NEK4: variants seen among roughly 807,000 people sequenced by gnomAD.
The protein encoded by NEK4 is NIMA related kinase 4.
A neutral mutation model predicts 98.4 loss-of-function variants in NEK4; 86 were observed. The ratio of observed to expected loss-of-function variants is 0.87; its 90% CI spans 0.73 to 1.05. The LOEUF is 1.05. Among genes scored for constraint, NEK4 ranks in the 50% least tolerant of loss-of-function variants. NEK4 has a pLI of 0.00. For missense variants in NEK4, 898 were observed against 950.3 expected (o/e 0.94, Z 0.72); for synonymous variants, 328 against 342.2 (o/e 0.96, Z 0.46).
chr3:52,765,596 A>G (rs1367489811), intron 4 of NEK4, among the ~76,000 whole-genome samples: 1 of 152,238 alleles, frequency 6.6e-6, no homozygotes, highest in Non-Finnish European at 1.5e-5. Flanking sequence ...AAGAAGAGAC[A>G]AATAGCCTCT....
intron 15 of NEK4, chr3:52,732,741 T>C: frequency 3.6e-6 from 1 of 279,440 alleles, no homozygotes; most frequent in South Asian, 5.3e-5. Context: ...ACCTGAGCAT[T>C]ATCTCCATGT....
rs199730489 is a variant in NEK4 at position 52,768,565 on chromosome 3, G to A, written c.133C>T (p.Arg45Ter). The change falls in exon 2 of 16, where the codon CGA becomes TGA. Residue 45 changes from arginine to a stop codon, truncating the protein, a stop_gained. Coordinates refer to ENST00000233027, the MANE Select transcript of NEK4 (RefSeq NM_003157.6). LOFTEE classifies it high-confidence loss of function. The part of the protein sequence containing the change: ...KKLNLRNASS[R>*]ERRAAEQEAQ... ...TCCTGTTCAGCAGCTCGCCGCTCTC[G>A]GCTAGAGGCATTTCGGAGGTTCAGT... 184 of 1,614,008 alleles carry A rather than the reference G, an allele frequency of 1.1e-4. No homozygotes were observed. Among genetic ancestry groups the A allele is most frequent in the Middle Eastern group, 1.6e-4 (1 of 6,084 alleles).
chr3:52,729,719 A>C (rs1373148780), intron 15 of NEK4, among the ~76,000 whole-genome samples: 1 of 151,854 alleles, frequency 6.6e-6, no homozygotes, highest in African/African-American at 2.4e-5. Flanking sequence ...CAAAAAAAAA[A>C]AAAAGATTGC....
intron 13 of NEK4, among the ~76,000 whole-genome samples, chr3:52,740,404 TA>T (rs2097383778): frequency 6.6e-6 from 1 of 151,738 alleles, no homozygotes; most frequent in South Asian, 2.1e-4. Context: ...TACAATATAT[TA>T]AATACACGGG....
intron 6 of NEK4, among the ~76,000 whole-genome samples, chr3:52,752,674 T>C (rs2097407307): frequency 1.3e-5 from 2 of 151,184 alleles, no homozygotes; most frequent in African/African-American, 4.9e-5. Flanking sequence ...CCAAAGCAAG[T>C]GAACCACTTG....
intron 5 of NEK4, 49 bp downstream of exon 5, chr3:52,763,421 C>T (rs754181278): frequency 6.5e-7 from 1 of 1,544,802 alleles, no homozygotes; most frequent in South Asian, 1.2e-5. Flanking sequence ...AAGCCACCCT[C>T]TTTCACCCCA....
intron 15 of NEK4, among the ~76,000 whole-genome samples, chr3:52,719,596 A>G (rs1013149870): frequency 4.6e-5 from 7 of 151,890 alleles, no homozygotes; most frequent in Admixed American, 4.6e-4. Flanking sequence ...AAAAAAGAAA[A>G]AAAAAAAAAA....
In NEK4 at chr3:52,768,555, C is replaced by G; in HGVS notation, c.143G>C (p.Arg48Pro). The G allele has an allele frequency of 6.2e-7, 1 of 1,614,156 alleles. No homozygotes were observed. Among genetic ancestry groups the G allele is most frequent in the Non-Finnish European group, 8.5e-7 (1 of 1,180,014 alleles). ...NLRNASSRER[R>P]AAEQEAQLLS... ...GAGCTGGGCTTCCTGTTCAGCAGCTCGCCGCTCTCGGCTAGAGGCATTTCG... is the reference window on the plus strand; with the variant it reads ...GAGCTGGGCTTCCTGTTCAGCAGCTGGCCGCTCTCGGCTAGAGGCATTTCG... Residue 48 changes from arginine (R) to proline (P), a missense_variant, in exon 2 of 16, where the codon CGA becomes CCA. By Grantham distance (103) the Arg-to-Pro change is moderately radical. Transcript: ENST00000233027.
Position 52,737,716 on chromosome 3 carries a change from A to G in NEK4, c.2303T>C (p.Ile768Thr), listed in dbSNP as rs747398738. Residue 768 changes from isoleucine (I) to threonine (T), a missense_variant, in exon 15 of 16, where the codon ATT becomes ACT. By Grantham distance (89) the Ile-to-Thr change is moderately conservative (BLOSUM62 -1). Coordinates refer to ENST00000233027, the MANE Select transcript of NEK4 (RefSeq NM_003157.6). ...EIHFKELPSA[I>T]MPGSEKIRRL... ...CCTGATCTTTTCAGAACCTGGCATAATAGCTAAAAGGCAACAACAAAGACA... is the reference window on the plus strand; with the variant it reads ...CCTGATCTTTTCAGAACCTGGCATAGTAGCTAAAAGGCAACAACAAAGACA... 4 of 1,608,042 alleles carry G rather than the reference A, an allele frequency of 2.5e-6. No individual in the cohort carries two copies. Among genetic ancestry groups the G allele is most frequent in the Non-Finnish European group, 3.4e-6 (4 of 1,176,754 alleles).
rs1372004980 is a variant in NEK4 at position 52,711,825 on chromosome 3, A to G, written c.2478T>C (p.Ser826=). 1.2e-6 allele frequency: 2 copies of G among 1,611,352 alleles called. No individual in the cohort carries two copies. The highest frequency in any genetic ancestry group is 1.3e-5 in the African/African-American group (1 of 74,964). Residue 826 remains serine, a synonymous_variant, in exon 16 of 16, where the codon AGT becomes AGC. Coordinates refer to ENST00000233027, the MANE Select transcript of NEK4 (RefSeq NM_003157.6). ...AAAATTTCAACTGGCGAGCTTTCAC[A>G]CTGTAAGTTGTATACTTTTCACCCA... is the stretch of plus-strand genomic sequence containing the variant. ...EHMGEKYTTY[S]VKARQLKFFE...
chr3:52,746,121 T>G lies in NEK4; in HGVS notation c.1767A>C (p.Gln589His). Residue 589 changes from glutamine (Q) to histidine (H), a missense_variant, in exon 10 of 16, where the codon CAA (glutamine) becomes CAC (histidine). Transcript: ENST00000233027. ...VTSTQKEAEN[Q>H]RRVVTGSVSS... ...TCACAGACCCAGTGACCACTCTACG[T>G]TGGTTTTCAGCCTCTTTTTGTGTTG... 1 of 1,614,198 alleles carries G rather than the reference T, an allele frequency of 6.2e-7. No individual in the cohort carries two copies. Among genetic ancestry groups the G allele is most frequent in the African/African-American group, 1.3e-5 (1 of 75,068 alleles).
chr3:52,740,777 G>A (rs1326271197), intron 13 of NEK4, among the ~76,000 whole-genome samples: 2 of 151,778 alleles, frequency 1.3e-5, no homozygotes, highest in East Asian at 3.9e-4. Context: ...AGATGACAGA[G>A]TTAGACTCTG....
At chr3:52,770,598 G>T in intron 1 of NEK4, 56 bp downstream of exon 1, 1 of 1,384,300 alleles carries the variant, frequency 7.2e-7, no homozygotes, top group Non-Finnish European at 9.9e-7. Flanking sequence ...ACCGGTCGGC[G>T]CCCTCGGCGC....
intron 15 of NEK4, among the ~76,000 whole-genome samples, chr3:52,713,186 C>G (rs1371962506): frequency 1.3e-5 from 2 of 152,182 alleles, no homozygotes; most frequent in Admixed American, 1.3e-4. Context: ...TAAAATAACA[C>G]CTAGTATGTT....
intron 1 of NEK4, 35 bp downstream of exon 1, chr3:52,770,619 G>GCCCGGCCCCC: frequency 1.0e-6 from 1 of 954,760 alleles, no homozygotes; most frequent in Non-Finnish European, 1.6e-6. Flanking sequence ...ACTTCTGCCC[G>GCCCGGCCCCC]CCCCCGCCCC....
At chr3:52,764,437 C>T (rs960192791) in intron 4 of NEK4, among the ~76,000 whole-genome samples, 4 of 151,696 alleles carry the variant, frequency 2.6e-5, no homozygotes, top group African/African-American at 7.3e-5. Context: ...GGAGACCATC[C>T]TGGCTAACAC....
At chr3:52,735,171 A>T (rs1336557534) in intron 15 of NEK4, among the ~76,000 whole-genome samples, 1 of 152,232 alleles carries the variant, frequency 6.6e-6, no homozygotes, top group Non-Finnish European at 1.5e-5. Flanking sequence ...TATTCTGAAT[A>T]CAAAGGAAGT....
Position 52,737,660 on chromosome 3 carries a change from T to C in NEK4, c.2359A>G (p.Ile787Val). The change falls in exon 15 of 16, where the codon ATT (isoleucine) becomes GTT (valine). Residue 787 changes from isoleucine (I) to valine (V), a missense_variant. Physicochemically the swap from Ile to Val is conservative, Grantham distance 29. Coordinates refer to ENST00000233027, the MANE Select transcript of NEK4 (RefSeq NM_003157.6). Reference sequence around the variant, plus strand: ...AAAAGCTGAACTCCCAGGCCACGAATTACATCAGTTCTCAAGACTTCAACT... The same window carrying C: ...AAAAGCTGAACTCCCAGGCCACGAACTACATCAGTTCTCAAGACTTCAACT... Reference protein sequence around the residue: ...RLVEVLRTDVIRGLGVQLLEQ... With the variant: ...RLVEVLRTDVVRGLGVQLLEQ... 6.2e-7 allele frequency: 1 copy of C among 1,613,914 alleles called. No individual in the cohort carries two copies. Among genetic ancestry groups the C allele is most frequent in the Non-Finnish European group, 8.5e-7 (1 of 1,179,822 alleles).
Position 52,741,305 on chromosome 3 carries a change from T to C in NEK4, c.2093+106A>G, listed in dbSNP as rs1013257779. ...GCATATGCCACAAACCATTTATAAT[T>C]TTATCAGTGGGAATACTAGAGATCT... On this transcript the variant is annotated intron_variant, in intron 13 of 15. Transcript: ENST00000233027. 1.3e-4 allele frequency: 83 copies of C among 627,672 alleles called. No homozygotes were observed. In the Middle Eastern group the frequency reaches 1.6e-3, roughly 12 times the overall value. The allele number at this position is 627,672 out of a possible 1,614,324, so 38.9% of individuals were successfully genotyped here.
Sources: gnomAD v4.1 joint callset for allele counts (sites outside exome capture counted in the v4.1 genomes callset) on GRCh38, gnomAD v4.1.1 for gene constraint, MANE v1.5 for transcripts, NCBI Gene and HGNC (gene_info 2026-07-23, HGNC 2026-07-21) for gene names.